Variants in SIK2 observed in about 807,000 individuals in gnomAD.
SIK2 encodes serine/threonine-protein kinase SIK2.
In SIK2, 29 loss-of-function variants were observed where a neutral mutation model predicts 103.2. That is an observed-to-expected ratio of 0.28 (90% CI 0.21 to 0.38). The LOEUF (loss-of-function observed/expected upper bound fraction) is 0.38, where lower values mean the gene tolerates loss of function less well. Among genes scored for constraint, SIK2 ranks in the 10% least tolerant of loss-of-function variants. The probability of loss-of-function intolerance (pLI) is 1.00; values close to 1 mark genes in which losing one functional copy is unlikely to be tolerated. For missense variants in SIK2, 879 were observed against 1,171.0 expected (o/e 0.75, Z 3.64); for synonymous variants, 412 against 446.1 (o/e 0.92, Z 0.96).
intron 3 of SIK2, among the ~76,000 whole-genome samples, chr11:111,644,287 C>CAAAAAAAAAAAAAA (rs559236704): frequency 4.8e-5 from 2 of 42,028 alleles, no homozygotes; most frequent in Non-Finnish European, 1.0e-4. Context: ...GACTCCATCT[C>CAAAAAAAAAAAAAA]AAAAAAAAAA....
At chr11:111,635,299 G>A (rs1334846109) in intron 3 of SIK2, among the ~76,000 whole-genome samples, 1 of 151,470 alleles carries the variant, frequency 6.6e-6, no homozygotes, top group African/African-American at 2.4e-5. Flanking sequence ...TTCTAAAAAT[G>A]AAAGGGGTAT....
At chr11:111,613,079 A>G (rs1232805379) in intron 1 of SIK2, among the ~76,000 whole-genome samples, 5 of 151,834 alleles carry the variant, frequency 3.3e-5, no homozygotes, top group African/African-American at 1.2e-4. Context: ...ATTTAATTAG[A>G]TAACATTTTA....
At chr11:111,668,525 C>T (rs1942580505) in intron 3 of SIK2, among the ~76,000 whole-genome samples, 1 of 152,164 alleles carries the variant, frequency 6.6e-6, no homozygotes. Context: ...TGAGCTATGA[C>T]CAGTCACACT....
At chr11:111,721,530 T>TGG (rs1389130626) in intron 12 of SIK2, among the ~76,000 whole-genome samples, 4 of 152,230 alleles carry the variant, frequency 2.6e-5, no homozygotes, top group Non-Finnish European at 5.9e-5. Flanking sequence ...TTTGAGCCTA[T>TGG]TTTCAGTGCA....
chr11:111,618,270 G>A (rs1941834642), intron 2 of SIK2, among the ~76,000 whole-genome samples: 2 of 152,134 alleles, frequency 1.3e-5, no homozygotes, highest in Admixed American at 1.3e-4. Flanking sequence ...GGGAGCCGCT[G>A]TAAATACAGA....
intron 1 of SIK2, among the ~76,000 whole-genome samples, chr11:111,608,570 T>C (rs1941678042): frequency 6.6e-6 from 1 of 152,366 alleles, no homozygotes; most frequent in Middle Eastern, 3.4e-3. Flanking sequence ...CATGTATGCA[T>C]ATAATCTGTG....
rs1944023514 is a variant in SIK2, at chr11:111,727,781, G to A, written c.*3652G>A. 6.6e-6 allele frequency: 1 copy of A among 152,362 alleles called. No homozygotes were observed. The highest frequency in any genetic ancestry group is 1.5e-5 in the Non-Finnish European group (1 of 68,156). The allele number at this position is 152,362 out of a possible 1,614,324, so 9.4% of individuals were successfully genotyped here. A position where few individuals can be genotyped will look rare whatever the true frequency, so the allele number is the denominator to read the frequency against. On this transcript the variant is annotated 3_prime_UTR_variant, in exon 15 of 15. Transcript: ENST00000304987. ...AACTAAGGCAAGGTGACAAGCAGCA[G>A]CCTGGAGTCACAGTTGGTCCCAGGC... is the stretch of plus-strand genomic sequence containing the variant.
At chr11:111,630,741 C>A (rs1013957427) in intron 3 of SIK2, among the ~76,000 whole-genome samples, 3 of 152,186 alleles carry the variant, frequency 2.0e-5, no homozygotes, top group African/African-American at 7.2e-5. Flanking sequence ...GGTATTTGGT[C>A]ATTAAGAGAT....
At chr11:111,638,133 G>A (rs1942134621) in intron 3 of SIK2, among the ~76,000 whole-genome samples, 1 of 152,144 alleles carries the variant, frequency 6.6e-6, no homozygotes, top group Non-Finnish European at 1.5e-5. Context: ...AAGATTCTTT[G>A]TCTTCTACCC....
chr11:111,690,552 C>CA (rs779880634), intron 4 of SIK2, among the ~76,000 whole-genome samples: 14 of 152,068 alleles, frequency 9.2e-5, no homozygotes, highest in Non-Finnish European at 1.9e-4. Flanking sequence ...ATCAACTCGT[C>CA]ATCTAGGTTT....
intron 3 of SIK2, chr11:111,683,362 A>ATT (rs1729312138): frequency 6.6e-6 from 1 of 152,230 alleles, no homozygotes; most frequent in Non-Finnish European, 1.5e-5. Flanking sequence ...ATACACACAT[A>ATT]AGCAGTTAGT....
intron 3 of SIK2, among the ~76,000 whole-genome samples, chr11:111,628,532 G>A (rs887710790): frequency 1.3e-5 from 2 of 151,330 alleles, no homozygotes; most frequent in Admixed American, 6.6e-5. Context: ...TCGACCTCCT[G>A]GGCTCAAGCA....
At position 111,623,186 on chromosome 11, in the gene SIK2, T is replaced by G. The variant is rs79623112; in HGVS notation, c.316+2784T>G. On this transcript the variant is annotated intron_variant, in intron 3 of 14. Coordinates refer to ENST00000304987, the MANE Select transcript of SIK2 (RefSeq NM_015191.3). ...TTCTTCTGCCATTAATCCCATCCAGTGTATTTGTCATCTCAGACATTGTAG... is the reference window on the plus strand; with the variant it reads ...TTCTTCTGCCATTAATCCCATCCAGGGTATTTGTCATCTCAGACATTGTAG... Among the ~76,000 whole-genome samples the G allele has an allele frequency of 6.5e-3, 992 of 152,340 alleles. 10 individuals are homozygous for G. The highest frequency in any genetic ancestry group is 0.022 in the African/African-American group (926 of 41,576).
At chr11:111,643,467 A>T (rs1442147920) in intron 3 of SIK2, among the ~76,000 whole-genome samples, 1 of 151,938 alleles carries the variant, frequency 6.6e-6, no homozygotes, top group Non-Finnish European at 1.5e-5. Flanking sequence ...CAGAACTTAA[A>T]AAAAAAAAAG....
chr11:111,657,122 G>T (rs1427741735), intron 3 of SIK2, among the ~76,000 whole-genome samples: 1 of 152,122 alleles, frequency 6.6e-6, no homozygotes, highest in African/African-American at 2.4e-5. Flanking sequence ...AGCTTAAAGA[G>T]CAAGGCAGGA....
chr11:111,645,170 A>T (rs1942238489), intron 3 of SIK2, among the ~76,000 whole-genome samples: 1 of 152,252 alleles, frequency 6.6e-6, no homozygotes, highest in Admixed American at 6.5e-5. Flanking sequence ...TACTGGTGAC[A>T]TATAAATTAT....
rs1029620590 is a variant in SIK2, at chr11:111,727,646, C to T, written c.*3517C>T. On this transcript the variant is annotated 3_prime_UTR_variant, in exon 15 of 15. Coordinates refer to ENST00000304987, the MANE Select transcript of SIK2 (RefSeq NM_015191.3). ...GACTCCCCCACCTCCACCCACACAC[C>T]GAGTGTCATCAGTCCTAAAGGCAGG... The T allele has an allele frequency of 3.4e-4, 53 of 154,106 alleles. No homozygotes were observed. Among genetic ancestry groups the T allele is most frequent in the East Asian group, 2.7e-3 (14 of 5,218 alleles). 9.5% of individuals were successfully genotyped at this position (154,106 alleles called of 1,614,324 possible).
intron 3 of SIK2, among the ~76,000 whole-genome samples, chr11:111,637,323 T>C (rs1942121282): frequency 6.6e-6 from 1 of 152,084 alleles, no homozygotes; most frequent in Admixed American, 6.5e-5. Flanking sequence ...TTTATTTTTA[T>C]TTTTTTAGTC....
At chr11:111,697,290 T>C (rs1284126601) in intron 4 of SIK2, among the ~76,000 whole-genome samples, 1 of 152,222 alleles carries the variant, frequency 6.6e-6, no homozygotes, top group Non-Finnish European at 1.5e-5. Flanking sequence ...AAAGCACTTT[T>C]AAGAGGTGGG....
Sources: allele counts gnomAD v4.1 joint callset (sites outside exome capture counted in the v4.1 genomes callset), GRCh38; gene constraint gnomAD v4.1.1; transcripts MANE v1.5; gene names NCBI Gene and HGNC (gene_info 2026-07-23, HGNC 2026-07-21).